RTL4: variants seen among roughly 807,000 people sequenced by gnomAD.
RTL4 encodes retrotransposon Gag-like protein 4.
In RTL4, 4 loss-of-function variants were observed where a neutral mutation model predicts 5.3. The ratio of observed to expected loss-of-function variants is 0.75; its 90% confidence interval spans 0.37 to 1.72. The LOEUF (loss-of-function observed/expected upper bound fraction) is 1.72. RTL4 is among the 40% of genes most tolerant of loss of function. The probability of loss-of-function intolerance (pLI) is 0.04; values close to 1 mark genes in which losing one functional copy is unlikely to be tolerated. For synonymous variants in RTL4, 98 were observed against 87.3 expected, an observed-to-expected ratio of 1.12 and a Z score of -0.68; for missense variants, 260 against 227.1, an observed-to-expected ratio of 1.14 and a Z score of -0.93.
the RTL4 span, among the ~76,000 whole-genome samples, chrX:112,327,509 A>G: frequency 2.7e-5 from 3 of 109,968 alleles, no homozygotes; most frequent in African/African-American, 9.9e-5. Context: ...GACTATGTGA[A>G]AAGACCAAAT....
the RTL4 span, among the ~76,000 whole-genome samples, chrX:112,185,325 T>C: frequency 9.5e-6 from 1 of 105,120 alleles, no homozygotes; most frequent in African/African-American, 3.5e-5. Context: ...TCTTCACTTT[T>C]ACCCAAATTT....
the RTL4 span, among the ~76,000 whole-genome samples, chrX:112,336,918 G>C: frequency 1.8e-5 from 2 of 111,972 alleles, no homozygotes; most frequent in African/African-American, 6.5e-5. Context: ...AGTATGGCTA[G>C]GTTCCAATAA....
chrX:112,188,311 T>C, the RTL4 span, among the ~76,000 whole-genome samples: 2 of 111,421 alleles, frequency 1.8e-5, no homozygotes, highest in South Asian at 7.7e-4. Context: ...ACTGATGGTC[T>C]TTTGTCTTGA....
At chrX:112,314,139 A>C in the RTL4 span, among the ~76,000 whole-genome samples, 2 of 112,036 alleles carry the variant, frequency 1.8e-5, no homozygotes, top group African/African-American at 6.5e-5. Flanking sequence ...AGTGTGAAGA[A>C]ACTGAGATTC....
chrX:112,330,814 G>C, the RTL4 span, among the ~76,000 whole-genome samples: 1 of 111,157 alleles, frequency 9.0e-6, no homozygotes, highest in Admixed American at 9.6e-5. Flanking sequence ...CAGAGATATA[G>C]ATCAATGGAA....
chrX:112,239,830 TA>T, the RTL4 span, among the ~76,000 whole-genome samples: 1 of 111,923 alleles, frequency 8.9e-6, no homozygotes, highest in Admixed American at 9.5e-5. Flanking sequence ...ATACTACAAT[TA>T]AACATGGTGA....
chrX:112,207,817 A>G, the RTL4 span, among the ~76,000 whole-genome samples: 1 of 110,644 alleles, frequency 9.0e-6, no homozygotes, highest in Non-Finnish European at 1.9e-5. Flanking sequence ...TGGGGCTCTG[A>G]AGCACAGCTT....
At chrX:112,347,070 T>C in the RTL4 span, among the ~76,000 whole-genome samples, 6 of 111,824 alleles carry the variant, frequency 5.4e-5, no homozygotes, top group Non-Finnish European at 1.1e-4. Context: ...CCGTCTGAAG[T>C]CTGGCTTTGC....
At chrX:112,378,473 A>G in the RTL4 span, among the ~76,000 whole-genome samples, 5 of 111,501 alleles carry the variant, frequency 4.5e-5, no homozygotes, top group Non-Finnish European at 7.5e-5. Context: ...TGAGTTGACA[A>G]TGTGTAACAG....
chrX:112,414,185 TG>T, the RTL4 span, among the ~76,000 whole-genome samples: 25 of 111,364 alleles, frequency 2.2e-4, no homozygotes, highest in African/African-American at 7.8e-4. Context: ...CACTTTTTTT[TG>T]TTGTTGGGTT....
At chrX:112,094,467 T>A in the RTL4 span, among the ~76,000 whole-genome samples, 1 of 110,856 alleles carries the variant, frequency 9.0e-6, no homozygotes, top group East Asian at 2.9e-4. Flanking sequence ...AAGTCTGGAA[T>A]GCAGAAGAGG....
upstream of RTL4, among the ~76,000 whole-genome samples, chrX:112,452,226 G>A (rs749905393): frequency 9.4e-6 from 1 of 106,452 alleles, no homozygotes; most frequent in African/African-American, 3.4e-5. Flanking sequence ...GAGTAGCTGG[G>A]ACTACAGGCA....
the RTL4 span, among the ~76,000 whole-genome samples, chrX:112,276,190 C>A: frequency 1.8e-5 from 2 of 111,837 alleles, no homozygotes; most frequent in African/African-American, 6.5e-5. Context: ...CCATCATATT[C>A]TTTGCTAAGA....
At chrX:112,272,262 G>A in the RTL4 span, among the ~76,000 whole-genome samples, 1 of 112,116 alleles carries the variant, frequency 8.9e-6, no homozygotes, top group Non-Finnish European at 1.9e-5. Flanking sequence ...GGGTTAAATA[G>A]TTATTTTAGT....
chrX:112,247,366 A>G, the RTL4 span, among the ~76,000 whole-genome samples: 1 of 111,704 alleles, frequency 9.0e-6, no homozygotes, highest in Non-Finnish European at 1.9e-5. Context: ...GGGTTTGCCT[A>G]TTTTAGACAT....
the RTL4 span, among the ~76,000 whole-genome samples, chrX:112,410,058 T>TTTAAAAAA: frequency 9.0e-6 from 1 of 110,992 alleles, no homozygotes; most frequent in African/African-American, 3.3e-5. Flanking sequence ...CAAATAGAAA[T>TTTAAAAAA]TTAAAAAATC....
At chrX:112,246,801 T>C in the RTL4 span, among the ~76,000 whole-genome samples, 28,763 of 110,507 alleles carry the variant, frequency 0.26, 3,770 homozygotes, top group African/African-American at 0.52. Context: ...TCTTCTGCAT[T>C]GATCACGCTG....
the RTL4 span, among the ~76,000 whole-genome samples, chrX:112,128,485 CCT>C: frequency 1.4e-4 from 15 of 109,684 alleles, no homozygotes; most frequent in African/African-American, 5.0e-4. Context: ...ATGGTGAAAC[CCT>C]GTCGCTACTA....
chrX:112,317,495 A>C, the RTL4 span, among the ~76,000 whole-genome samples: 1 of 111,009 alleles, frequency 9.0e-6, no homozygotes, highest in African/African-American at 3.3e-5. Context: ...TTGGCCATGG[A>C]CTCTGCCTTT....
Sources: gnomAD v4.1 joint callset for allele counts (sites outside exome capture counted in the v4.1 genomes callset) on GRCh38, gnomAD v4.1.1 for gene constraint, MANE v1.5 for transcripts, NCBI Gene and HGNC (gene_info 2026-07-23, HGNC 2026-07-21) for gene names.